The following ARHGEF6 variants were observed in gnomAD, a reference collection of about 807,000 sequenced individuals.
ARHGEF6 encodes Rac/Cdc42 guanine nucleotide exchange factor 6.
Under a neutral mutation model 70.3 loss-of-function variants are expected in ARHGEF6, and 9 were observed. The observed-to-expected ratio is 0.13, with a 90% confidence interval of 0.08 to 0.22. ARHGEF6 has a LOEUF of 0.22. ARHGEF6 is among the 10% of genes least tolerant of loss of function. The probability of loss-of-function intolerance (pLI) is 1.00; values close to 1 mark genes in which losing one functional copy is unlikely to be tolerated. For synonymous variants in ARHGEF6, 201 were observed against 207.8 expected, an observed-to-expected ratio of 0.97 and a Z score of 0.28; for missense variants, 470 against 563.0, an observed-to-expected ratio of 0.83 and a Z score of 1.67.
At chrX:136,686,592 G>GTATATATATATATA (rs1426495423) in intron 11 of ARHGEF6, among the ~76,000 whole-genome samples, 4 of 59,698 alleles carry the variant, frequency 6.7e-5, no homozygotes, top group African/African-American at 2.9e-4. Context: ...GTGTATGTGT[G>GTATATATATATATA]TGTATATATA....
At chrX:136,701,695 C>T (rs2076572017) in intron 9 of ARHGEF6, among the ~76,000 whole-genome samples, 2 of 98,976 alleles carry the variant, frequency 2.0e-5, no homozygotes, top group South Asian at 9.2e-4. Context: ...CAAAATATTT[C>T]ATTTTTCTTT....
At position 136,667,991 on chromosome X, in the gene ARHGEF6, G is replaced by T; in HGVS notation, c.*38C>A. 1 of 1,208,019 alleles carries T rather than the reference G, an allele frequency of 8.3e-7. No individual in the cohort carries two copies. The highest frequency in any genetic ancestry group is 1.1e-6 in the Non-Finnish European group (1 of 892,528). ...ATCATTCAGCGGGACATTTCAAGAT[G>T]CCCTGAAGGCACACTCCACCCAGTG... On this transcript the variant is annotated 3_prime_UTR_variant, in exon 22 of 22. Transcript: ENST00000250617.
At chrX:136,708,965 C>G (rs2076656476) in intron 7 of ARHGEF6, among the ~76,000 whole-genome samples, 195 bp from the exon 8 acceptor site, 1 of 111,435 alleles carries the variant, frequency 9.0e-6, no homozygotes, top group Non-Finnish European at 1.9e-5. Context: ...GAATAATGAT[C>G]CTAAAGAAAT....
At chrX:136,701,702 C>CTTTTT (rs762628006) in intron 9 of ARHGEF6, among the ~76,000 whole-genome samples, 31 of 68,203 alleles carry the variant, frequency 4.5e-4, no homozygotes, top group East Asian at 1.4e-3. Flanking sequence ...TTTCATTTTT[C>CTTTTT]TTTTTTTTTT....
rs747013304 is a variant in ARHGEF6, at chrX:136,687,952, C to T, written c.1225G>A (p.Val409Ile). The change falls in exon 11 of 22, where the codon GTA becomes ATA. Residue 409 changes from valine to isoleucine, a missense_variant. Physicochemically the swap from Val to Ile is conservative, Grantham distance 29. Around this residue, in one of 3 missense-constraint regions of ARHGEF6, gnomAD observed 379 missense variants for 449.3 expected, o/e 0.84. Coordinates refer to ENST00000250617, the MANE Select transcript of ARHGEF6 (RefSeq NM_004840.3). ...CCTACCATGAGAGTTTTGAATGCTA[C>T]GATTGCTTTCAGAATATCCTGATGA... Reference protein sequence around the residue: ...PDHQDILKAIVAFKTLMGQCQ... With the variant: ...PDHQDILKAIIAFKTLMGQCQ... 7 of 1,206,113 alleles carry T rather than the reference C, an allele frequency of 5.8e-6. No homozygotes were observed. Among genetic ancestry groups the T allele is most frequent in the East Asian group, 3.0e-5 (1 of 33,781 alleles).
At chrX:136,754,460 C>G (rs2077183420) in intron 2 of ARHGEF6, among the ~76,000 whole-genome samples, 2 of 107,430 alleles carry the variant, frequency 1.9e-5, no homozygotes, top group African/African-American at 6.8e-5. Flanking sequence ...TGGTGGGCAC[C>G]TGTAATCCCA....
chrX:136,762,734 C>T (rs751239905), intron 2 of ARHGEF6, among the ~76,000 whole-genome samples: 2 of 111,877 alleles, frequency 1.8e-5, no homozygotes, highest in Admixed American at 9.5e-5. Context: ...TCAAGTGATC[C>T]GCCTGCCTCA....
chrX:136,710,262 C>T (rs1182820055), intron 7 of ARHGEF6, among the ~76,000 whole-genome samples: 2 of 105,059 alleles, frequency 1.9e-5, no homozygotes, highest in Non-Finnish European at 3.9e-5. Flanking sequence ...CGAGATCTCA[C>T]CACTGCACTC....
At chrX:136,779,367 G>A in intron 2 of ARHGEF6, 47 bp downstream of exon 2, 1 of 1,097,940 alleles carries the variant, frequency 9.1e-7, no homozygotes, top group Non-Finnish European at 1.3e-6. Context: ...TTGATTAGCA[G>A]AGCAAAAAAA....
chrX:136,726,348 T>C (rs1035236035), intron 6 of ARHGEF6, among the ~76,000 whole-genome samples: 1 of 111,499 alleles, frequency 9.0e-6, no homozygotes. Context: ...TGTCACTTCC[T>C]CCACCTCCAG....
In ARHGEF6 at chrX:136,745,037, C is replaced by T. The variant is rs762415466; in HGVS notation, c.459+186G>A. 2.3e-3 allele frequency among the ~76,000 whole-genome samples: 257 copies of T among 111,753 alleles called. 1 individual carries two copies. The highest frequency in any genetic ancestry group is 8.1e-3 in the African/African-American group (248 of 30,774). On this transcript the variant is annotated intron_variant, in intron 4 of 21. Transcript: ENST00000250617. ...GCTGGAGCTTCAATCCGGATTTTTG[C>T]CCCACCACATGCCTTTGATTTGCTC...
chrX:136,669,610 C>T, intron 20 of ARHGEF6, 74 bp from the exon 21 acceptor site: 1 of 861,506 alleles, frequency 1.2e-6, no homozygotes, highest in Non-Finnish European at 1.7e-6. Context: ...ACAATAAAAG[C>T]CACTTTATAA....
chrX:136,772,802 G>A (rs1264567762), intron 2 of ARHGEF6, among the ~76,000 whole-genome samples: 1 of 112,031 alleles, frequency 8.9e-6, no homozygotes, highest in East Asian at 2.8e-4. Flanking sequence ...GGCCAAAGTT[G>A]CCGTGAGCCA....
At chrX:136,777,761 T>TACACACACACACAC (rs376800070) in intron 2 of ARHGEF6, among the ~76,000 whole-genome samples, 1,928 of 98,486 alleles carry the variant, frequency 0.02, 17 homozygotes, top group Middle Eastern at 0.052. Context: ...TATGTATACA[T>TACACACACACACAC]ACACACACAC....
At chrX:136,696,004 G>A (rs1182005208) in intron 9 of ARHGEF6, among the ~76,000 whole-genome samples, 1 of 111,615 alleles carries the variant, frequency 9.0e-6, no homozygotes, top group African/African-American at 3.3e-5. Flanking sequence ...CATAGGGCAT[G>A]GTGACACAGT....
intron 2 of ARHGEF6, chrX:136,768,708 A>G (rs898044665): frequency 8.9e-6 from 1 of 112,160 alleles, no homozygotes; most frequent in African/African-American, 3.2e-5. Flanking sequence ...AACTCCTCCC[A>G]GGAGGCACCG....
rs763447516 is a variant in ARHGEF6, at chrX:136,777,835, C to A, written c.249+1579G>T. The stretch of plus-strand genomic sequence containing the variant: ...AGAAGGAACAAAATAATGGCATTCA[C>A]GACAACCTGGGTGGAGGTGGAGACC... On this transcript the variant is annotated intron_variant, in intron 2 of 21. Transcript: ENST00000250617. Among the ~76,000 whole-genome samples the A allele has an allele frequency of 3.7e-5, 4 of 109,368 alleles. No individual in the cohort carries two copies. In the East Asian group the frequency reaches 1.1e-3, roughly 31 times the overall value. 95.0% of individuals were successfully genotyped at this position (109,368 alleles called of 115,157 possible). A position where few individuals can be genotyped will look rare whatever the true frequency, so the allele number is the denominator to read the frequency against.
At chrX:136,686,867 G>T (rs916951622) in intron 11 of ARHGEF6, among the ~76,000 whole-genome samples, 1 of 105,198 alleles carries the variant, frequency 9.5e-6, no homozygotes, top group African/African-American at 3.5e-5. Flanking sequence ...ATATTTTGGG[G>T]TTATATTTTC....
chrX:136,712,532 C>G (rs1254554600), intron 7 of ARHGEF6, among the ~76,000 whole-genome samples: 2 of 111,783 alleles, frequency 1.8e-5, no homozygotes, highest in Non-Finnish European at 3.8e-5. Flanking sequence ...ATTATATGGG[C>G]TGACTGGTAA....
Sources: allele counts gnomAD v4.1 joint callset (sites outside exome capture counted in the v4.1 genomes callset), GRCh38; gene constraint gnomAD v4.1.1; regional missense constraint gnomAD v4.1.1; transcripts MANE v1.5; gene names NCBI Gene and HGNC (gene_info 2026-07-23, HGNC 2026-07-21).